Variants in FBXL5 observed in about 807,000 individuals in gnomAD.
FBXL5 encodes F-box and leucine rich repeat protein 5.
FBXL5 carries 26 observed loss-of-function variants against 78.3 expected under a neutral mutation model. The ratio of observed to expected loss-of-function variants is 0.33; its 90% CI spans 0.24 to 0.46. The LOEUF (loss-of-function observed/expected upper bound fraction) is 0.46, where lower values mean the gene tolerates loss of function less well. Among genes scored for constraint, FBXL5 ranks in the 20% least tolerant of loss-of-function variants. The pLI, the probability that FBXL5 is intolerant of heterozygous loss-of-function variation, is 1.00. For synonymous variants in FBXL5, 295 were observed against 282.5 expected (o/e 1.04, Z -0.45); for missense variants, 710 against 829.2 (o/e 0.86, Z 1.77).
Position 15,605,610 on chromosome 4 carries a change from A to G in FBXL5, c.*113T>C, listed in dbSNP as rs1721830850. On this transcript the variant is annotated 3_prime_UTR_variant, in exon 11 of 11. Transcript: ENST00000341285. ...TCTGAAGTTGTAAGAAATGGGGCCA[A>G]AACAAGTCACGCTCAAAAAGGGATG... 2 of 829,878 alleles carry G rather than the reference A, an allele frequency of 2.4e-6. No individual in the cohort carries two copies. The highest frequency in any genetic ancestry group is 1.6e-5 in the South Asian group (1 of 61,082). The allele number at this position is 829,878 out of a possible 1,614,324, so 51.4% of individuals were successfully genotyped here. A position where few individuals can be genotyped will look rare whatever the true frequency, so the allele number is the denominator to read the frequency against.
chr4:15,679,578 C>A (rs373793642), intron 1 of FBXL5, among the ~76,000 whole-genome samples: 236 of 135,526 alleles, frequency 1.7e-3, no homozygotes, highest in Middle Eastern at 3.9e-3. Context: ...AAAAAAAAAA[C>A]AAAAAAACAA....
At chr4:15,619,587 G>C (rs527706438) in intron 9 of FBXL5, among the ~76,000 whole-genome samples, 1 of 63,830 alleles carries the variant, frequency 1.6e-5, no homozygotes, top group Admixed American at 1.9e-4. Context: ...TTTCCCTTAA[G>C]ATTAGAACAA....
chr4:15,618,298 G>A (rs934282067), intron 9 of FBXL5, among the ~76,000 whole-genome samples: 2 of 152,208 alleles, frequency 1.3e-5, no homozygotes, highest in African/African-American at 4.8e-5. Context: ...TTAAGAGGCT[G>A]AGGTGGGAGG....
upstream of FBXL5, among the ~76,000 whole-genome samples, chr4:15,664,338 G>T (rs1041492781): frequency 1.3e-5 from 2 of 151,940 alleles, no homozygotes; most frequent in African/African-American, 4.8e-5. Flanking sequence ...CACCAAACCA[G>T]CTAGTCAGCA....
chr4:15,644,784 C>T (rs1462274089), intron 1 of FBXL5, 76 bp from the exon 2 acceptor site: 1 of 1,048,818 alleles, frequency 9.5e-7, no homozygotes, highest in African/African-American at 1.7e-5. Context: ...CAAATACATC[C>T]CTATTCACTT....
chr4:15,644,383 AT>A (rs1173419817), intron 2 of FBXL5, 109 bp downstream of exon 2: 9 of 866,082 alleles, frequency 1.0e-5, no homozygotes, highest in Non-Finnish European at 1.4e-5. Context: ...TGACAAAATA[AT>A]TTTTTTCAAC....
intron 9 of FBXL5, among the ~76,000 whole-genome samples, chr4:15,623,966 G>A (rs1712748220): frequency 6.6e-6 from 1 of 151,874 alleles, no homozygotes; most frequent in South Asian, 2.1e-4. Flanking sequence ...GGGACTACAG[G>A]TGCCCGCCAC....
chr4:15,625,471 G>A lies in FBXL5; in HGVS notation c.1631C>T (p.Ala544Val), dbSNP rs750021246. The change falls in exon 9 of 11, where the codon GCG becomes GTG. Residue 544 changes from alanine to valine, a missense_variant. Ala to Val is a moderately conservative substitution (Grantham distance 64). This residue lies in a region of FBXL5 where 517 missense variants were observed against 542.9 expected (regional missense o/e 0.95). Transcript: ENST00000341285. Reference sequence around the variant, plus strand: ...ACAACAAAATGAGTGACCACAATACGCAAAGGCTGGAGAAGCACAATGCTG... The same window carrying A: ...ACAACAAAATGAGTGACCACAATACACAAAGGCTGGAGAAGCACAATGCTG... ...WQQHCASPAFAYCGHSFCCTG... is the reference protein window; with the variant it reads ...WQQHCASPAFVYCGHSFCCTG... 15 of 1,613,758 alleles carry A rather than the reference G, an allele frequency of 9.3e-6. No individual in the cohort carries two copies. Among genetic ancestry groups the A allele is most frequent in the South Asian group, 1.1e-5 (1 of 91,040 alleles).
intron 6 of FBXL5, 46 bp downstream of exon 6, chr4:15,630,620 A>T (rs928074655): frequency 2.9e-5 from 42 of 1,464,938 alleles, no homozygotes; most frequent in Non-Finnish European, 3.3e-5. Context: ...CTTAATTATC[A>T]ATTATTAAAA....
At chr4:15,660,769 A>T (rs915764317), upstream of FBXL5, among the ~76,000 whole-genome samples, 1 of 152,254 alleles carries the variant, frequency 6.6e-6, no homozygotes, top group African/African-American at 2.4e-5. Context: ...GTCACCAGTC[A>T]TCCAGATAAG....
At chr4:15,606,673 G>T (rs774345532) in intron 10 of FBXL5, among the ~76,000 whole-genome samples, 6 of 152,138 alleles carry the variant, frequency 3.9e-5, no homozygotes, top group African/African-American at 1.2e-4. Flanking sequence ...AACAAATAAG[G>T]AGTAGTTAAT....
At chr4:15,673,795 A>G (rs1371209313) in intron 1 of FBXL5, among the ~76,000 whole-genome samples, 2 of 152,166 alleles carry the variant, frequency 1.3e-5, no homozygotes, top group East Asian at 3.9e-4. Context: ...TGGTTTCACC[A>G]GGCTCCAGGC....
At chr4:15,612,450 A>C in intron 9 of FBXL5, 36 bp from the exon 10 acceptor site, 1 of 1,553,180 alleles carries the variant, frequency 6.4e-7, no homozygotes, top group Non-Finnish European at 8.7e-7. Flanking sequence ...AGAAGATACT[A>C]ATCTATAAAA....
upstream of FBXL5, among the ~76,000 whole-genome samples, chr4:15,655,627 G>C (rs1360764084): frequency 6.6e-6 from 1 of 152,216 alleles, no homozygotes; most frequent in Non-Finnish European, 1.5e-5. Flanking sequence ...GGGGAAAGTC[G>C]TTGCAGTGGC....
chr4:15,644,893 C>T (rs1257721836), intron 1 of FBXL5, among the ~76,000 whole-genome samples, 185 bp from the exon 2 acceptor site: 1 of 151,996 alleles, frequency 6.6e-6, no homozygotes, highest in African/African-American at 2.4e-5. Flanking sequence ...TGCACTAGGC[C>T]AGGAAGATGT....
chr4:15,649,224 T>C (rs1419885776), intron 1 of FBXL5, among the ~76,000 whole-genome samples: 1 of 152,006 alleles, frequency 6.6e-6, no homozygotes, highest in Non-Finnish European at 1.5e-5. Context: ...TCAGTTTTTC[T>C]CCACATGAAA....
upstream of FBXL5, among the ~76,000 whole-genome samples, chr4:15,658,668 C>G (rs1371008777): frequency 2.0e-5 from 3 of 152,212 alleles, no homozygotes; most frequent in Admixed American, 6.5e-5. Context: ...ATAGACTTCT[C>G]AGCCCCACAC....
intron 1 of FBXL5, among the ~76,000 whole-genome samples, chr4:15,680,942 T>C (rs534790071): frequency 1.3e-5 from 2 of 148,896 alleles, no homozygotes; most frequent in African/African-American, 4.9e-5. Context: ...TATTCTCCTT[T>C]ATATGTTTTT....
intron 1 of FBXL5, among the ~76,000 whole-genome samples, chr4:15,670,105 A>ATT (rs1717699523): frequency 2.0e-5 from 3 of 152,236 alleles, no homozygotes; most frequent in African/African-American, 7.2e-5. Context: ...GTGTATCAAC[A>ATT]GTTCATTCTT....
Sources: allele counts gnomAD v4.1 joint callset (sites outside exome capture counted in the v4.1 genomes callset), GRCh38; gene constraint gnomAD v4.1.1; regional missense constraint gnomAD v4.1.1; transcripts MANE v1.5; gene names NCBI Gene and HGNC (gene_info 2026-07-23, HGNC 2026-07-21).